Variants in USP49 observed in about 807,000 individuals in gnomAD.
USP49 encodes the protein ubiquitin carboxyl-terminal hydrolase 49.
Under a neutral mutation model 58.6 loss-of-function variants are expected in USP49, and 24 were observed. The observed-to-expected ratio is 0.41, with a 90% confidence interval of 0.30 to 0.58. USP49 has a LOEUF of 0.58. Among genes scored for constraint, USP49 ranks in the 20% least tolerant of loss-of-function variants. The pLI, the probability that USP49 is intolerant of heterozygous loss-of-function variation, is 0.30. For missense variants in USP49, 703 were observed against 866.1 expected (o/e 0.81, Z 2.36); for synonymous variants, 408 against 365.1 (o/e 1.12, Z -1.34).
At chr6:41,810,503 A>C (rs558028557) in intron 3 of USP49, among the ~76,000 whole-genome samples, 2 of 150,894 alleles carry the variant, frequency 1.3e-5, no homozygotes, top group African/African-American at 2.4e-5. Flanking sequence ...AAAATAAAAA[A>C]TAAATAAAAA....
intron 3 of USP49, among the ~76,000 whole-genome samples, chr6:41,830,731 G>A (rs1487030415): frequency 6.6e-6 from 1 of 152,012 alleles, no homozygotes; most frequent in Non-Finnish European, 1.5e-5. Flanking sequence ...GCTGAAGCAA[G>A]AGAATCACTT....
chr6:41,823,139 C>T (rs1431314495), intron 3 of USP49, among the ~76,000 whole-genome samples: 1 of 152,078 alleles, frequency 6.6e-6, no homozygotes, highest in Non-Finnish European at 1.5e-5. Context: ...CATGAATATA[C>T]ATACAAGCAT....
intron 3 of USP49, among the ~76,000 whole-genome samples, chr6:41,817,444 C>CCTTT (rs1554143987): frequency 3.5e-5 from 5 of 140,952 alleles, no homozygotes; most frequent in Non-Finnish European, 7.5e-5. Context: ...CCACGCTCGG[C>CCTTT]CTTTCTTTCT....
At chr6:41,810,974 A>C (rs766753214) in intron 3 of USP49, among the ~76,000 whole-genome samples, 7 of 152,170 alleles carry the variant, frequency 4.6e-5, no homozygotes, top group Non-Finnish European at 7.3e-5. Flanking sequence ...TTCTAAATCC[A>C]ATGTACTGTG....
At chr6:41,847,699 C>T (rs111949830) in intron 3 of USP49, among the ~76,000 whole-genome samples, 5 of 150,910 alleles carry the variant, frequency 3.3e-5, no homozygotes, top group African/African-American at 7.3e-5. Context: ...GGCAACAGAG[C>T]GAGACTCTGT....
Position 41,805,823 on chromosome 6 carries a change from G to A in USP49, c.1161C>T (p.Ser387=). The A allele has an allele frequency of 6.2e-7, 1 of 1,614,036 alleles. No homozygotes were observed. Among genetic ancestry groups the A allele is most frequent in the Non-Finnish European group, 8.5e-7 (1 of 1,180,010 alleles). ...SPFAMLHSVW[S]LIPAFRGYDQ... is the part of the protein sequence containing the mutation. The stretch of plus-strand genomic sequence containing the variant: ...CGTAGCCGCGGAAGGCAGGGATCAG[G>A]CTCCACACTGAGTGGAGCATGGCGA... The change falls in exon 4 of 8, where the codon AGC becomes AGT. Residue 387 remains serine (S), a synonymous_variant. Coordinates refer to ENST00000682992, the MANE Select transcript of USP49 (RefSeq NM_001286554.2).
chr6:41,870,903 T>C (rs547082899), intron 3 of USP49, among the ~76,000 whole-genome samples: 2 of 151,844 alleles, frequency 1.3e-5, no homozygotes, highest in East Asian at 1.9e-4. Context: ...ATACAAAAAT[T>C]AGCCAGGTGT....
intron 3 of USP49, among the ~76,000 whole-genome samples, chr6:41,829,500 A>C (rs1311000538): frequency 3.9e-5 from 6 of 152,102 alleles, no homozygotes; most frequent in Non-Finnish European, 5.9e-5. Context: ...TTTAGTAGAG[A>C]TGGGGTTTCT....
chr6:41,873,505 G>A (rs937480169), intron 2 of USP49, among the ~76,000 whole-genome samples: 2 of 152,184 alleles, frequency 1.3e-5, no homozygotes, highest in African/African-American at 4.8e-5. Flanking sequence ...TAGGTTCGGG[G>A]ATCTGAGGCA....
chr6:41,879,225 C>T (rs1691718618), intron 2 of USP49, among the ~76,000 whole-genome samples: 1 of 152,036 alleles, frequency 6.6e-6, no homozygotes, highest in Non-Finnish European at 1.5e-5. Flanking sequence ...CGAGACTCTG[C>T]CTCTATGTTT....
intron 3 of USP49, among the ~76,000 whole-genome samples, chr6:41,836,121 A>T (rs1188006371): frequency 6.6e-6 from 1 of 152,084 alleles, no homozygotes; most frequent in Non-Finnish European, 1.5e-5. Context: ...AAAACAGTTA[A>T]CAGACATAGG....
chr6:41,811,510 C>T (rs1356997393), intron 3 of USP49, among the ~76,000 whole-genome samples: 2 of 152,144 alleles, frequency 1.3e-5, no homozygotes, highest in African/African-American at 4.8e-5. Context: ...TGGTTTCAGG[C>T]ATCCACTGGG....
chr6:41,864,630 TA>T (rs893675477), intron 3 of USP49, among the ~76,000 whole-genome samples: 4 of 151,658 alleles, frequency 2.6e-5, no homozygotes, highest in South Asian at 2.1e-4. Flanking sequence ...GCCACCCAAT[TA>T]AAAAAAAATT....
At position 41,805,895 on chromosome 6, in the gene USP49, G is replaced by A. The variant is rs767339165; in HGVS notation, c.1089C>T (p.Thr363=). ...TCCCGGACCACATGACTCGGAAGAG[G>A]GTGTGCAGTTCACGGCAGAGGGAAA... is the stretch of plus-strand genomic sequence containing the variant. The part of the protein sequence containing the change: ...KHISLCRELH[T]LFRVMWSGKW... Residue 363 remains threonine, a synonymous_variant, in exon 4 of 8, where the codon ACC becomes ACT. Transcript: ENST00000682992. 5.6e-6 allele frequency: 9 copies of A among 1,613,886 alleles called. No homozygotes were observed. In the African/African-American group the frequency reaches 8.0e-5, roughly 14 times the overall value.
rs1772840971 is a variant in USP49, at chr6:41,793,802, T to G, written c.*2731A>C. 6.6e-6 allele frequency: 1 copy of G among 152,244 alleles called. No individual in the cohort carries two copies. Among genetic ancestry groups the G allele is most frequent in the South Asian group, 2.1e-4 (1 of 4,834 alleles). 9.4% of individuals were successfully genotyped at this position (152,244 alleles called of 1,614,324 possible). ...TTTTGAGGGCCTAGGTGCACTCATC[T>G]TGGCTGGCTACAGCAGCAAGTAAAC... On this transcript the variant is annotated 3_prime_UTR_variant, in exon 8 of 8. Coordinates refer to ENST00000682992, the MANE Select transcript of USP49 (RefSeq NM_001286554.2).
At chr6:41,877,490 A>T (rs1201871917) in intron 2 of USP49, among the ~76,000 whole-genome samples, 1 of 152,166 alleles carries the variant, frequency 6.6e-6, no homozygotes, top group African/African-American at 2.4e-5. Context: ...TGTCCTGTTG[A>T]CACAGCATAG....
chr6:41,815,594 G>T (rs143121624), intron 3 of USP49, among the ~76,000 whole-genome samples: 1 of 152,268 alleles, frequency 6.6e-6, no homozygotes, highest in African/African-American at 2.4e-5. Flanking sequence ...CTCTGAATAG[G>T]GGGTGGATGA....
chr6:41,851,152 A>G (rs1774020686), intron 3 of USP49, among the ~76,000 whole-genome samples: 1 of 152,232 alleles, frequency 6.6e-6, no homozygotes, highest in African/African-American at 2.4e-5. Context: ...TGATGCCAGC[A>G]TTACCCTGAC....
chr6:41,877,266 A>G (rs1390856102), intron 2 of USP49, among the ~76,000 whole-genome samples: 2 of 152,226 alleles, frequency 1.3e-5, no homozygotes, highest in Non-Finnish European at 2.9e-5. Flanking sequence ...GCAGGATTGC[A>G]TTTACACATT....
Sources: gnomAD v4.1 joint callset for allele counts (sites outside exome capture counted in the v4.1 genomes callset) on GRCh38, gnomAD v4.1.1 for gene constraint, MANE v1.5 for transcripts, NCBI Gene and HGNC (gene_info 2026-07-23, HGNC 2026-07-21) for gene names.